The following VOPP1 variants were observed in gnomAD, a reference collection of about 807,000 sequenced individuals.
VOPP1 encodes WW domain binding protein VOPP1.
In VOPP1, 8 loss-of-function variants were observed where a neutral mutation model predicts 23.5. The ratio of observed to expected loss-of-function variants is 0.34; its 90% CI spans 0.20 to 0.61. The LOEUF (loss-of-function observed/expected upper bound fraction) is 0.61. VOPP1 is among the 20% of genes least tolerant of loss of function. The pLI, the probability that VOPP1 is intolerant of heterozygous loss-of-function variation, is 0.78. For missense variants in VOPP1, 174 were observed against 238.1 expected (o/e 0.73, Z 1.77); for synonymous variants, 83 against 97.3 (o/e 0.85, Z 0.86).
At chr7:55,445,228 C>G (rs1298735375) in intron 4 of VOPP1, among the ~76,000 whole-genome samples, 4 of 144,026 alleles carry the variant, frequency 2.8e-5, no homozygotes, top group African/African-American at 1.1e-4. Flanking sequence ...CACACACACA[C>G]AGACACACAC....
At chr7:55,440,608 CT>C (rs1323342710) in intron 4 of VOPP1, among the ~76,000 whole-genome samples, 5 of 152,354 alleles carry the variant, frequency 3.3e-5, no homozygotes, top group Non-Finnish European at 7.3e-5. Context: ...CTTGCTTCCT[CT>C]GCTTTTCAGC....
chr7:55,541,195 ACT>A (rs751699779), intron 1 of VOPP1, among the ~76,000 whole-genome samples: 13 of 152,200 alleles, frequency 8.5e-5, no homozygotes, highest in Admixed American at 2.0e-4. Context: ...TACTTGCATA[ACT>A]CTGTGAATAT....
At chr7:55,527,440 C>G (rs904329893) in intron 1 of VOPP1, among the ~76,000 whole-genome samples, 1 of 152,176 alleles carries the variant, frequency 6.6e-6, no homozygotes, top group Non-Finnish European at 1.5e-5. Flanking sequence ...ACACAGCCAG[C>G]AAATAACGAT....
intron 4 of VOPP1, among the ~76,000 whole-genome samples, chr7:55,450,386 C>T (rs1791213783): frequency 2.0e-5 from 3 of 152,172 alleles, no homozygotes; most frequent in East Asian, 1.9e-4. Flanking sequence ...TCCCTATGCA[C>T]TCTGGTTCTG....
At chr7:55,476,577 G>A (rs765579977) in intron 4 of VOPP1, among the ~76,000 whole-genome samples, 8 of 152,130 alleles carry the variant, frequency 5.3e-5, no homozygotes, top group African/African-American at 7.2e-5. Flanking sequence ...AGGGGCCCAG[G>A]GGCCTGACTC....
chr7:55,475,995 T>C (rs1391916445), intron 4 of VOPP1, among the ~76,000 whole-genome samples: 1 of 152,102 alleles, frequency 6.6e-6, no homozygotes, highest in East Asian at 1.9e-4. Context: ...ACTCTCCCTA[T>C]GATGACAGGC....
intron 2 of VOPP1, among the ~76,000 whole-genome samples, chr7:55,509,377 C>A (rs945699299): frequency 1.3e-5 from 2 of 152,160 alleles, no homozygotes; most frequent in Admixed American, 6.5e-5. Flanking sequence ...CTAGTCAGGG[C>A]TCCCTGCTTC....
rs11238366 is a variant in VOPP1 at position 55,473,026 on chromosome 7, C to T, written c.348G>A (p.Pro116=). ...NPGPGAQQPG[P]PYYTDPGGPG... is the part of the protein sequence containing the mutation. ...GTCCTCCTGGGTCGGTGTAATAGGGCGGCCCCGGCTGCTGGGCTCCTGAAA... is the reference window on the plus strand; with the variant it reads ...GTCCTCCTGGGTCGGTGTAATAGGGTGGCCCCGGCTGCTGGGCTCCTGAAA... Residue 116 remains proline, a synonymous_variant, in exon 5 of 5, where the codon CCG becomes CCA. Transcript: ENST00000285279. 8 of 1,597,284 alleles carry T rather than the reference C, an allele frequency of 5.0e-6. No homozygotes were observed. The highest frequency in any genetic ancestry group is 6.8e-6 in the Non-Finnish European group (8 of 1,173,514).
intron 1 of VOPP1, among the ~76,000 whole-genome samples, chr7:55,538,304 C>T (rs1340234885): frequency 6.6e-6 from 1 of 152,236 alleles, no homozygotes; most frequent in African/African-American, 2.4e-5. Context: ...ACTCTCTGGT[C>T]CTTCTCTAGG....
intron 4 of VOPP1, among the ~76,000 whole-genome samples, chr7:55,452,849 G>C (rs989247175): frequency 2.0e-5 from 3 of 152,226 alleles, no homozygotes; most frequent in Admixed American, 6.5e-5. Context: ...AGTAGATTTT[G>C]CATAATTCTT....
chr7:55,441,893 A>G (rs1039753169), intron 4 of VOPP1, among the ~76,000 whole-genome samples: 5 of 152,194 alleles, frequency 3.3e-5, no homozygotes, highest in African/African-American at 1.2e-4. Flanking sequence ...AATTTAATCT[A>G]AAATTAGCAC....
intron 4 of VOPP1, among the ~76,000 whole-genome samples, chr7:55,489,862 G>A (rs902789224): frequency 3.9e-5 from 6 of 152,202 alleles, no homozygotes; most frequent in Non-Finnish European, 5.9e-5. Flanking sequence ...GAGCATTAAA[G>A]CTGGTAAAGC....
At chr7:55,440,502 C>G (rs982001913) in intron 4 of VOPP1, among the ~76,000 whole-genome samples, 3 of 152,254 alleles carry the variant, frequency 2.0e-5, no homozygotes, top group Non-Finnish European at 4.4e-5. Flanking sequence ...GGCATGGGAT[C>G]TGGGGCCACG....
intron 3 of VOPP1, among the ~76,000 whole-genome samples, chr7:55,495,653 T>C (rs1793897900): frequency 6.6e-6 from 1 of 152,208 alleles, no homozygotes; most frequent in Non-Finnish European, 1.5e-5. Flanking sequence ...GACATCATCT[T>C]CTTCAGGAGT....
At chr7:55,551,936 G>A (rs962151929) in intron 1 of VOPP1, among the ~76,000 whole-genome samples, 1 of 151,372 alleles carries the variant, frequency 6.6e-6, no homozygotes, top group African/African-American at 2.4e-5. Context: ...GCTACTTGGG[G>A]GTCTGAGGCA....
intron 4 of VOPP1, among the ~76,000 whole-genome samples, chr7:55,491,396 CCA>C (rs1452881734): frequency 3.9e-5 from 6 of 152,320 alleles, no homozygotes; most frequent in Non-Finnish European, 7.3e-5. Flanking sequence ...GACCACCTAT[CCA>C]CAGTGTGCAA....
intron 1 of VOPP1, among the ~76,000 whole-genome samples, chr7:55,571,083 G>A (rs1208171327): frequency 3.9e-5 from 6 of 152,194 alleles, no homozygotes; most frequent in Non-Finnish European, 1.5e-5. Flanking sequence ...GTCACTCAGA[G>A]AATGTGATTC....
intron 1 of VOPP1, among the ~76,000 whole-genome samples, chr7:55,533,588 G>A (rs973711210): frequency 6.6e-6 from 1 of 152,140 alleles, no homozygotes; most frequent in African/African-American, 2.4e-5. Context: ...CGGACCTAGG[G>A]TCTCACTGCC....
intron 2 of VOPP1, among the ~76,000 whole-genome samples, chr7:55,520,073 A>G (rs1562951024): frequency 6.6e-6 from 1 of 152,156 alleles, no homozygotes; most frequent in Non-Finnish European, 1.5e-5. Flanking sequence ...GACTGCAGTG[A>G]GCCGAGATTG....
Sources: allele counts gnomAD v4.1 joint callset (sites outside exome capture counted in the v4.1 genomes callset), GRCh38; gene constraint gnomAD v4.1.1; transcripts MANE v1.5; gene names NCBI Gene and HGNC (gene_info 2026-07-23, HGNC 2026-07-21).